The following CFAP97D2 variants were observed in gnomAD, a reference collection of about 807,000 sequenced individuals.
CFAP97D2 encodes uncharacterized protein CFAP97D2.
intron 4 of CFAP97D2, among the ~76,000 whole-genome samples, chr13:114,216,615 T>C (rs971080237): frequency 4.6e-5 from 7 of 152,358 alleles, no homozygotes; most frequent in African/African-American, 1.7e-4. Flanking sequence ...ACAAAGGACA[T>C]GAACTCATCC....
At chr13:114,192,843 A>G (rs1305422914) in intron 1 of CFAP97D2, among the ~76,000 whole-genome samples, 2 of 152,352 alleles carry the variant, frequency 1.3e-5, no homozygotes, top group East Asian at 1.9e-4. Flanking sequence ...CCACAATAAT[A>G]GGCTGAGGAA....
rs919934434 is a variant in CFAP97D2 at position 114,211,472 on chromosome 13, C to T, written c.291-440C>T. Among the ~76,000 whole-genome samples the T allele has an allele frequency of 2.0e-5, 3 of 152,194 alleles. No homozygotes were observed. Among genetic ancestry groups the T allele is most frequent in the Non-Finnish European group, 1.5e-5 (1 of 68,032 alleles). ...AAATCCAACCCCTGCCAACCTCCCTCACCTCTCTCCCATGGGCGCCTGGGT... is the reference window on the plus strand; with the variant it reads ...AAATCCAACCCCTGCCAACCTCCCTTACCTCTCTCCCATGGGCGCCTGGGT... On this transcript the variant is annotated intron_variant, in intron 3 of 4. Transcript: ENST00000646158. The surrounding 1 kb of genome is among the most constrained non-coding windows in gnomAD (Gnocchi z 4.2).
chr13:114,212,007 A>T, exon 4 of CFAP97D2: 1 of 398,738 alleles, frequency 2.5e-6, no homozygotes, highest in Non-Finnish European at 4.4e-6. Context: ...CATGGTATGG[A>T]GCTCAAAGGT....
chr13:114,221,940 C>G (rs1243529088), intron 4 of CFAP97D2, among the ~76,000 whole-genome samples: 2 of 152,096 alleles, frequency 1.3e-5, no homozygotes, highest in African/African-American at 4.8e-5. Flanking sequence ...TCACAATGAC[C>G]AAGAGGTGTA....
At chr13:114,205,254 A>C (rs6560939) in intron 3 of CFAP97D2, among the ~76,000 whole-genome samples, 42,392 of 152,172 alleles carry the variant, frequency 0.28, 7,838 homozygotes, top group East Asian at 0.56. Flanking sequence ...AACAGTCCAG[A>C]AGTTCCTCAA....
chr13:114,214,434 G>A (rs983354250), intron 4 of CFAP97D2: 1 of 152,174 alleles, frequency 6.6e-6, no homozygotes, highest in African/African-American at 2.4e-5. Context: ...GCTAATATTT[G>A]CTTTCTGTAA....
Position 114,189,353 on chromosome 13 carries a change from A to G in CFAP97D2, c.91-7043A>G, listed in dbSNP as rs1388739420. ...AAATTGAATCAATAATTAAACTTCCAAAACAGAACACTGGGCCCAGATGGG... is the reference window on the plus strand; with the variant it reads ...AAATTGAATCAATAATTAAACTTCCGAAACAGAACACTGGGCCCAGATGGG... On this transcript the variant is annotated intron_variant, in intron 1 of 4. Coordinates refer to ENST00000646158, the Ensembl canonical transcript of CFAP97D2. This position sits in a 1 kb window ranked among gnomAD's most constrained non-coding sequence, Gnocchi z 4.5. Among the ~76,000 whole-genome samples the G allele has an allele frequency of 1.3e-5, 2 of 152,316 alleles. No homozygotes were observed. Among genetic ancestry groups the G allele is most frequent in the African/African-American group, 4.8e-5 (2 of 41,576 alleles).
chr13:114,214,488 A>C (rs891495320), intron 4 of CFAP97D2, among the ~76,000 whole-genome samples: 7 of 152,178 alleles, frequency 4.6e-5, no homozygotes, highest in Non-Finnish European at 8.8e-5. Context: ...GGAACATGGG[A>C]GTCTTCTCTT....
chr13:114,180,573 A>T (rs2080828590), intron 1 of CFAP97D2, among the ~76,000 whole-genome samples: 1 of 152,022 alleles, frequency 6.6e-6, no homozygotes. Context: ...CACGTGATTG[A>T]TGGGCATGTT....
Position 114,220,443 on chromosome 13 carries a change from A to G in CFAP97D2, c.481-2055A>G, listed in dbSNP as rs1248447902. Among the ~76,000 whole-genome samples the G allele has an allele frequency of 2.6e-5, 4 of 152,154 alleles. No homozygotes were observed. The East Asian group carries it at 7.8e-4, about 30-fold the overall frequency. On this transcript the variant is annotated intron_variant, in intron 4 of 4. Transcript: ENST00000646158. ...ATATCTCAATCTGGTTTAAATATTAACTCGCAAAATTTCTCAAACATTTTA... is the reference window on the plus strand; with the variant it reads ...ATATCTCAATCTGGTTTAAATATTAGCTCGCAAAATTTCTCAAACATTTTA...
At chr13:114,196,663 TC>T (rs940973664) in intron 2 of CFAP97D2, among the ~76,000 whole-genome samples, 187 bp downstream of exon 2, 6 of 152,168 alleles carry the variant, frequency 3.9e-5, no homozygotes, top group Non-Finnish European at 8.8e-5. Flanking sequence ...CAGAAATCTT[TC>T]CCCAGTCGTT....
intron 3 of CFAP97D2, among the ~76,000 whole-genome samples, chr13:114,204,416 C>T (rs1217610017): frequency 6.6e-6 from 1 of 152,216 alleles, no homozygotes; most frequent in Non-Finnish European, 1.5e-5. Flanking sequence ...ACCAGCTTGA[C>T]TCCTCTTTCC....
downstream of CFAP97D2, chr13:114,222,782 A>C: frequency 2.7e-6 from 1 of 373,472 alleles, no homozygotes; most frequent in East Asian, 3.9e-5. This position sits in a 1 kb window ranked among gnomAD's most constrained non-coding sequence, Gnocchi z 4.4. Flanking sequence ...AGTGCCCAGG[A>C]GGCAGCTCCT....
At chr13:114,195,916 CA>C (rs34374094) in intron 1 of CFAP97D2, among the ~76,000 whole-genome samples, 50,065 of 128,256 alleles carry the variant, frequency 0.39, 8,970 homozygotes, top group African/African-American at 0.48. Flanking sequence ...CTAAAAATTA[CA>C]AAAAAAAAAA....
At chr13:114,190,016 T>C (rs1442651867) in intron 1 of CFAP97D2, among the ~76,000 whole-genome samples, 1 of 151,962 alleles carries the variant, frequency 6.6e-6, no homozygotes, top group Non-Finnish European at 1.5e-5. Context: ...GTGGCTCATG[T>C]TTGCCATCCT....
In CFAP97D2 at chr13:114,211,787, A is replaced by G. The variant is rs2080967512; in HGVS notation, c.291-125A>G. 1 of 397,368 alleles carries G rather than the reference A, an allele frequency of 2.5e-6. No individual in the cohort carries two copies. Among genetic ancestry groups the G allele is most frequent in the Admixed American group, 4.4e-5 (1 of 22,728 alleles). 24.6% of individuals were successfully genotyped at this position (397,368 alleles called of 1,614,324 possible). ...GAACCGGTTTCTTAAATGTTGGTTCAGTGGGAAGCAGGAGCAACCCTCCAC... is the reference window on the plus strand; with the variant it reads ...GAACCGGTTTCTTAAATGTTGGTTCGGTGGGAAGCAGGAGCAACCCTCCAC... On this transcript the variant is annotated intron_variant, in intron 3 of 4. Transcript: ENST00000646158. The surrounding 1 kb of genome is among the most constrained non-coding windows in gnomAD (Gnocchi z 4.2).
chr13:114,214,303 A>G (rs968904026), intron 4 of CFAP97D2: 2 of 152,252 alleles, frequency 1.3e-5, no homozygotes, highest in African/African-American at 4.8e-5. Context: ...GCAAAGACGC[A>G]TGACTGTTAA....
At chr13:114,221,264 A>G (rs965330240) in intron 4 of CFAP97D2, among the ~76,000 whole-genome samples, 2 of 152,136 alleles carry the variant, frequency 1.3e-5, no homozygotes, top group Admixed American at 6.5e-5. Context: ...CAAAAAAACA[A>G]AAAAAGTGAC....
chr13:114,183,291 C>G (rs1272376642), intron 1 of CFAP97D2, among the ~76,000 whole-genome samples: 1 of 152,106 alleles, frequency 6.6e-6, no homozygotes, highest in African/African-American at 2.4e-5. Flanking sequence ...CTCAGCCTCC[C>G]AAGTAGCTGT....
Sources: allele counts gnomAD v4.1 joint callset (sites outside exome capture counted in the v4.1 genomes callset), GRCh38; gene constraint gnomAD v4.1.1; non-coding constraint Gnocchi (gnomAD v3.1); transcripts MANE v1.5; gene names NCBI Gene and HGNC (gene_info 2026-07-23, HGNC 2026-07-21).